EYS: variants seen among roughly 807,000 people sequenced by gnomAD.
EYS encodes EGF-like photoreceptor maintenance factor.
Under a neutral mutation model 282.1 loss-of-function variants are expected in EYS, and 250 were observed. That is an observed-to-expected ratio of 0.89 (90% confidence interval 0.80 to 0.98). The LOEUF (loss-of-function observed/expected upper bound fraction) is 0.98, where lower values mean the gene tolerates loss of function less well. Among genes scored for constraint, EYS ranks in the 50% least tolerant of loss-of-function variants. The pLI is 0.00. For missense variants in EYS, 4,016 were observed against 3,709.0 expected (o/e 1.08, Z -2.15); for synonymous variants, 1,355 against 1,282.9 (o/e 1.06, Z -1.20).
At chr6:64,332,690 G>A (rs1454904616) in intron 29 of EYS, among the ~76,000 whole-genome samples, 1 of 152,166 alleles carries the variant, frequency 6.6e-6, no homozygotes, top group African/African-American at 2.4e-5. Context: ...CATCCACACT[G>A]GAGGCTGGTC....
chr6:63,767,812 T>C (rs925925166), intron 40 of EYS, among the ~76,000 whole-genome samples: 2 of 152,224 alleles, frequency 1.3e-5, no homozygotes, highest in South Asian at 2.1e-4. Flanking sequence ...TCACACTCCC[T>C]AACTTCAAAC....
chr6:64,661,807 T>C (rs1303759313), intron 22 of EYS, among the ~76,000 whole-genome samples: 6 of 136,356 alleles, frequency 4.4e-5, no homozygotes, highest in Admixed American at 7.5e-5. Flanking sequence ...AGTTCAACCA[T>C]TGTGGAATTC....
At chr6:65,244,484 C>A (rs1767129514) in intron 12 of EYS, among the ~76,000 whole-genome samples, 1 of 151,930 alleles carries the variant, frequency 6.6e-6, no homozygotes, top group Non-Finnish European at 1.5e-5. Context: ...ACCCTAATTT[C>A]TACCTTAATT....
chr6:64,443,742 G>A (rs1226458872), intron 26 of EYS, among the ~76,000 whole-genome samples: 1 of 152,104 alleles, frequency 6.6e-6, no homozygotes, highest in African/African-American at 2.4e-5. Context: ...CTCTTTGCCT[G>A]CTGCCATCTA....
At chr6:64,581,704 G>A (rs558496164) in intron 26 of EYS, among the ~76,000 whole-genome samples, 97 of 152,182 alleles carry the variant, frequency 6.4e-4, no homozygotes, top group African/African-American at 2.2e-3. Context: ...ATGCCCTTAC[G>A]TTGTACTCGA....
intron 31 of EYS, among the ~76,000 whole-genome samples, chr6:64,216,042 C>G (rs1282810251): frequency 7.9e-5 from 12 of 152,100 alleles, no homozygotes; most frequent in Admixed American, 7.9e-4. Flanking sequence ...TAATTAGATT[C>G]TAGGTTTGGA....
intron 35 of EYS, among the ~76,000 whole-genome samples, chr6:63,949,290 A>G (rs919461648): frequency 6.6e-6 from 1 of 152,124 alleles, no homozygotes; most frequent in African/African-American, 2.4e-5. Context: ...GCCCATCTCA[A>G]CACTTACACT....
chr6:64,681,951 C>T (rs1769913639), intron 22 of EYS, among the ~76,000 whole-genome samples: 2 of 152,164 alleles, frequency 1.3e-5, no homozygotes, highest in Admixed American at 6.5e-5. Flanking sequence ...TTAACAGCTG[C>T]GCTAGGGAGA....
chr6:64,967,268 AC>A (rs1361522314), intron 14 of EYS, among the ~76,000 whole-genome samples: 1 of 152,082 alleles, frequency 6.6e-6, no homozygotes, highest in Non-Finnish European at 1.5e-5. Context: ...CATTCATGGG[AC>A]AAAATCTAAA....
At chr6:65,330,179 T>C (rs1311626911) in intron 11 of EYS, 3 of 979,064 alleles carry the variant, frequency 3.1e-6, no homozygotes, top group Non-Finnish European at 3.6e-6. Context: ...TAATCTTACC[T>C]ATGTATAGTA....
chr6:64,247,087 A>C (rs777931203), intron 30 of EYS, among the ~76,000 whole-genome samples: 1 of 152,120 alleles, frequency 6.6e-6, no homozygotes, highest in Non-Finnish European at 1.5e-5. Context: ...AATTAAATTT[A>C]ATTTATTCAT....
At position 65,138,624 on chromosome 6, in the gene EYS, GT is replaced by G. The variant is rs144019689; in HGVS notation, c.2024-80898del. Among the ~76,000 whole-genome samples the G allele has an allele frequency of 7.6e-3, 1,160 of 152,010 alleles. 7 individuals carry two copies. Among genetic ancestry groups the G allele is most frequent in the Middle Eastern group, 0.024 (7 of 294 alleles). On this transcript the variant is annotated intron_variant, in intron 12 of 42. Coordinates refer to ENST00000503581, the MANE Select transcript of EYS (RefSeq NM_001142800.2). ...AATAACATATTGGTGAGCACACTGG[GT>G]TTTCTTTATACTTTATATATCCCAG... is the stretch of plus-strand genomic sequence containing the variant.
intron 32 of EYS, among the ~76,000 whole-genome samples, chr6:64,069,508 G>A (rs917899607): frequency 1.4e-4 from 20 of 142,558 alleles, no homozygotes; most frequent in Admixed American, 1.2e-3. Context: ...TAATGACATT[G>A]TTTTTGTACT....
chr6:65,352,281 T>G (rs907483654), intron 9 of EYS, among the ~76,000 whole-genome samples: 1 of 151,952 alleles, frequency 6.6e-6, no homozygotes, highest in Non-Finnish European at 1.5e-5. Context: ...TGCTGTTGGT[T>G]AGCTGTTACT....
At chr6:63,862,640 G>A (rs561352618) in intron 36 of EYS, among the ~76,000 whole-genome samples, 6 of 152,168 alleles carry the variant, frequency 3.9e-5, no homozygotes, top group South Asian at 4.2e-4. Flanking sequence ...AAGCAAAACC[G>A]ATGATTCATC....
At chr6:64,289,193 A>G (rs1407609851) in intron 30 of EYS, among the ~76,000 whole-genome samples, 1 of 152,054 alleles carries the variant, frequency 6.6e-6, no homozygotes, top group Non-Finnish European at 1.5e-5. Context: ...ACATGGCAAT[A>G]TTAAAAAATC....
At chr6:65,389,784 TTAGA>T (rs1215564033) in intron 7 of EYS, among the ~76,000 whole-genome samples, 98 of 152,156 alleles carry the variant, frequency 6.4e-4, no homozygotes, top group African/African-American at 2.3e-3. Flanking sequence ...AGCTTCTATA[TTAGA>T]TATATATAAA....
At chr6:63,861,315 C>T (rs571184803) in intron 36 of EYS, among the ~76,000 whole-genome samples, 1 of 152,286 alleles carries the variant, frequency 6.6e-6, no homozygotes, top group South Asian at 2.1e-4. Flanking sequence ...ATTATATCTC[C>T]AGAAGAGATT....
intron 31 of EYS, among the ~76,000 whole-genome samples, chr6:64,194,568 A>G (rs1376085003): frequency 1.3e-5 from 2 of 152,060 alleles, no homozygotes; most frequent in African/African-American, 2.4e-5. Context: ...TTTTATTACA[A>G]TTACCTTTTG....
Sources: allele counts gnomAD v4.1 joint callset (sites outside exome capture counted in the v4.1 genomes callset), GRCh38; gene constraint gnomAD v4.1.1; transcripts MANE v1.5; gene names NCBI Gene and HGNC (gene_info 2026-07-23, HGNC 2026-07-21).